The following EVA1A variants were observed in gnomAD, a reference collection of about 807,000 sequenced individuals.
The protein encoded by EVA1A is eva-1 homolog A, regulator of programmed cell death, also known as protein eva-1 homolog A.
In EVA1A, 7 loss-of-function variants were observed where a neutral mutation model predicts 9.8. The observed-to-expected ratio is 0.71, with a 90% CI of 0.41 to 1.34. EVA1A has a LOEUF of 1.34. Ranked by LOEUF, EVA1A falls within the 40% of genes most tolerant of loss-of-function variation. EVA1A has a pLI of 0.01. For synonymous variants in EVA1A, 90 were observed against 85.6 expected (o/e 1.05, Z -0.28); for missense variants, 206 against 205.9 (o/e 1.00, Z 0.00).
Position 75,549,008 on chromosome 2 carries a change from A to ATT in EVA1A, c.-192+11670_-192+11671dup, listed in dbSNP as rs10552575. ...AATATATATATATATATATATATAT[A>ATT]TTTTTTTTTTTTTTACTAATAAATC... On this transcript the variant is annotated intron_variant, in intron 1 of 3. Transcript: ENST00000393913. 1.9e-3 allele frequency among the ~76,000 whole-genome samples: 164 copies of ATT among 85,376 alleles called. 2 individuals carry two copies. The highest frequency in any genetic ancestry group is 5.1e-3 in the South Asian group (13 of 2,548). 56.0% of individuals were successfully genotyped at this position (85,376 alleles called of 152,430 possible). A position where few individuals can be genotyped will look rare whatever the true frequency, so the allele number is the denominator to read the frequency against.
At chr2:75,501,189 C>G (rs1171417637) in intron 3 of EVA1A, among the ~76,000 whole-genome samples, 1 of 152,150 alleles carries the variant, frequency 6.6e-6, no homozygotes, top group African/African-American at 2.4e-5. Flanking sequence ...TCATGTTCAT[C>G]CCTGACTCCT....
At chr2:75,550,570 G>A (rs141715118) in intron 1 of EVA1A, among the ~76,000 whole-genome samples, 2 of 152,262 alleles carry the variant, frequency 1.3e-5, no homozygotes, top group South Asian at 2.1e-4. Flanking sequence ...TATACTGAAC[G>A]CACCTGAATT....
intron 3 of EVA1A, among the ~76,000 whole-genome samples, chr2:75,505,092 C>G (rs1674567544): frequency 6.6e-6 from 1 of 152,196 alleles, no homozygotes; most frequent in African/African-American, 2.4e-5. Context: ...AGGGAAAGAC[C>G]TACAATCCCA....
At chr2:75,532,627 T>C (rs1206283374) in intron 1 of EVA1A, among the ~76,000 whole-genome samples, 9 of 152,168 alleles carry the variant, frequency 5.9e-5, no homozygotes, top group Admixed American at 2.0e-4. Flanking sequence ...CTTAGGGACC[T>C]GTGAGATTAT....
chr2:75,549,467 C>G (rs932669281), intron 1 of EVA1A, among the ~76,000 whole-genome samples: 2 of 152,152 alleles, frequency 1.3e-5, no homozygotes, highest in African/African-American at 4.8e-5. Context: ...AGTGCCCTGT[C>G]TGTCCATCAC....
chr2:75,527,250 C>G (rs1206487340), intron 1 of EVA1A, among the ~76,000 whole-genome samples: 1 of 152,198 alleles, frequency 6.6e-6, no homozygotes, highest in Non-Finnish European at 1.5e-5. Context: ...GAGACCATAG[C>G]AAGAAACTCC....
chr2:75,523,054 T>G (rs560461319), intron 1 of EVA1A, among the ~76,000 whole-genome samples: 16 of 152,326 alleles, frequency 1.1e-4, no homozygotes, highest in African/African-American at 3.9e-4. Context: ...CTTAGAAGCT[T>G]GCAGGAAGAA....
rs548140191 is a variant in EVA1A, at chr2:75,493,927, A to T, written c.86-318T>A. ...ACGCAAGCAGCCGTGCTTAGGTGTC[A>T]TTTGTTTAAGAGATGTATCTATCTA... On this transcript the variant is annotated intron_variant, in intron 3 of 3. Transcript: ENST00000393913. 4.6e-4 allele frequency among the ~76,000 whole-genome samples: 70 copies of T among 152,362 alleles called. 1 individual carries two copies. Among genetic ancestry groups the T allele is most frequent in the African/African-American group, 1.7e-3 (69 of 41,590 alleles).
chr2:75,562,218 A>T (rs992527276), upstream of EVA1A, among the ~76,000 whole-genome samples: 2 of 152,210 alleles, frequency 1.3e-5, no homozygotes, highest in Admixed American at 1.3e-4. Context: ...ATATTAGACT[A>T]TGGAGCCCTG....
intron 1 of EVA1A, among the ~76,000 whole-genome samples, chr2:75,568,271 T>C (rs1573001003): frequency 6.6e-6 from 1 of 151,822 alleles, no homozygotes; most frequent in East Asian, 1.9e-4. Flanking sequence ...GTTAATAATG[T>C]ATTATTATTT....
At chr2:75,493,911 G>T (rs1008366457) in intron 3 of EVA1A, among the ~76,000 whole-genome samples, 3 of 152,208 alleles carry the variant, frequency 2.0e-5, no homozygotes, top group African/African-American at 2.4e-5. Context: ...TACGCAAGCA[G>T]CCGTGCTTAG....
chr2:75,508,937 G>GATACC (rs1674715257), intron 3 of EVA1A, among the ~76,000 whole-genome samples: 1 of 152,112 alleles, frequency 6.6e-6, no homozygotes, highest in Admixed American at 6.6e-5. Flanking sequence ...GGGGAGGAAT[G>GATACC]ATACCCTCTG....
At chr2:75,525,991 G>A (rs1675424281) in intron 1 of EVA1A, 1 of 152,224 alleles carries the variant, frequency 6.6e-6, no homozygotes, top group Non-Finnish European at 1.5e-5. Flanking sequence ...CCAAGGCAGA[G>A]CTTGCTTGTC....
At chr2:75,553,064 T>C (rs1266108490) in intron 1 of EVA1A, among the ~76,000 whole-genome samples, 3 of 152,196 alleles carry the variant, frequency 2.0e-5, no homozygotes, top group African/African-American at 7.2e-5. Context: ...CTGACTTCCT[T>C]TGTCCCCAGC....
intron 2 of EVA1A, among the ~76,000 whole-genome samples, chr2:75,521,966 C>T (rs193156081): frequency 4.6e-4 from 70 of 152,054 alleles, no homozygotes; most frequent in African/African-American, 1.4e-3. Flanking sequence ...TATCTTTTAG[C>T]GGTATTAAAT....
chr2:75,519,520 G>T (rs1409922758), intron 2 of EVA1A, among the ~76,000 whole-genome samples: 5 of 152,194 alleles, frequency 3.3e-5, no homozygotes, highest in Non-Finnish European at 7.3e-5. Context: ...CCTTGGAGCG[G>T]CCAGAGGCTC....
At chr2:75,536,283 T>C (rs912485559) in intron 1 of EVA1A, among the ~76,000 whole-genome samples, 1 of 152,014 alleles carries the variant, frequency 6.6e-6, no homozygotes, top group Non-Finnish European at 1.5e-5. Context: ...TGCAATGAGC[T>C]GAGAGCACGC....
At chr2:75,505,147 A>G (rs917262622) in intron 3 of EVA1A, among the ~76,000 whole-genome samples, 1 of 152,130 alleles carries the variant, frequency 6.6e-6, no homozygotes, top group Non-Finnish European at 1.5e-5. Flanking sequence ...GCCCTGACAC[A>G]TTATTCCATC....
At chr2:75,540,398 A>AT (rs1676068486) in intron 1 of EVA1A, among the ~76,000 whole-genome samples, 1 of 152,150 alleles carries the variant, frequency 6.6e-6, no homozygotes, top group Non-Finnish European at 1.5e-5. Flanking sequence ...AAGAGTACTT[A>AT]TTTTTTCCAA....
Sources: allele counts gnomAD v4.1 joint callset (sites outside exome capture counted in the v4.1 genomes callset), GRCh38; gene constraint gnomAD v4.1.1; transcripts MANE v1.5; gene names NCBI Gene and HGNC (gene_info 2026-07-23, HGNC 2026-07-21).